Variants in PHF3 observed in about 807,000 individuals in gnomAD.
PHF3 encodes PHD finger protein 3.
PHF3 carries 41 observed loss-of-function variants against 178.4 expected under a neutral mutation model. That is an observed-to-expected ratio of 0.23 (90% CI 0.18 to 0.30). PHF3 has a LOEUF of 0.30. PHF3 is among the 10% of genes least tolerant of loss of function. The pLI is 1.00. For missense variants in PHF3, 2,346 were observed against 2,398.1 expected, an observed-to-expected ratio of 0.98 and a Z score of 0.45; for synonymous variants, 842 against 800.5, an observed-to-expected ratio of 1.05 and a Z score of -0.88.
chr6:63,649,567 A>G (rs1764936929), intron 2 of PHF3, among the ~76,000 whole-genome samples: 1 of 152,156 alleles, frequency 6.6e-6, no homozygotes, highest in South Asian at 2.1e-4. Context: ...TTTGTTGTTG[A>G]CATAGTGATT....
intron 1 of PHF3, among the ~76,000 whole-genome samples, chr6:63,641,464 A>G (rs1179070944): frequency 2.0e-5 from 3 of 151,180 alleles, no homozygotes; most frequent in Non-Finnish European, 4.4e-5. Flanking sequence ...GTGAGAGACA[A>G]CTTCATCTTA....
intron 2 of PHF3, among the ~76,000 whole-genome samples, chr6:63,660,154 T>G (rs758986635): frequency 4.6e-5 from 7 of 152,018 alleles, no homozygotes; most frequent in Non-Finnish European, 1.0e-4. Flanking sequence ...GTGCCCAAAA[T>G]GGCGCTTAGT....
intron 2 of PHF3, among the ~76,000 whole-genome samples, chr6:63,662,649 C>T (rs779779735): frequency 6.6e-6 from 1 of 152,156 alleles, no homozygotes; most frequent in Non-Finnish European, 1.5e-5. Flanking sequence ...TCTCTTCCTC[C>T]CTAAAATACT....
Position 63,711,206 on chromosome 6 carries a change from G to A in PHF3, c.3841G>A (p.Asp1281Asn). 2 of 1,609,448 alleles carry A rather than the reference G, an allele frequency of 1.2e-6. No individual in the cohort carries two copies. Among genetic ancestry groups the A allele is most frequent in the Non-Finnish European group, 1.7e-6 (2 of 1,178,344 alleles). The change falls in exon 15 of 16, where the codon GAT becomes AAT. Residue 1281 changes from aspartate (D) to asparagine (N), a missense_variant. Physicochemically the swap from Asp to Asn is conservative, Grantham distance 23. Coordinates refer to ENST00000262043, the MANE Select transcript of PHF3 (RefSeq NM_001370348.2). The stretch of plus-strand genomic sequence containing the variant: ...TCGCTTCACACCAGTAACTGAAGAA[G>A]ATCAAATTTCTTATACTTTGCTCTT... ...VVRFTPVTEE[D>N]QISYTLLFAY...
chr6:63,703,399 C>CCAAAAAA, intron 10 of PHF3, 137 bp from the exon 11 acceptor site: 1 of 849,966 alleles, frequency 1.2e-6, no homozygotes, highest in Non-Finnish European at 1.8e-6. Context: ...TAAAAAAAAA[C>CCAAAAAA]CAAAAAACAA....
chr6:63,645,954 A>T (rs1023158804), intron 1 of PHF3, among the ~76,000 whole-genome samples: 1 of 152,034 alleles, frequency 6.6e-6, no homozygotes, highest in Non-Finnish European at 1.5e-5. Context: ...TTGGGTTAAT[A>T]GTTTCTTTTT....
chr6:63,650,854 A>G (rs1014262737), intron 2 of PHF3, among the ~76,000 whole-genome samples: 1 of 152,114 alleles, frequency 6.6e-6, no homozygotes, highest in Non-Finnish European at 1.5e-5. Context: ...AACTAAACGT[A>G]GTGGCTCTCT....
rs1466158365 is a variant in PHF3 at position 63,723,312 on chromosome 6, G to T, written c.*9604G>T. ...GATTAGGAAAGAAAAAATATACATTGGGTTATACCACCAAAAACTGGAACA... is the reference window on the plus strand; with the variant it reads ...GATTAGGAAAGAAAAAATATACATTTGGTTATACCACCAAAAACTGGAACA... On this transcript the variant is annotated 3_prime_UTR_variant, in exon 16 of 16. Coordinates refer to ENST00000262043, the MANE Select transcript of PHF3 (RefSeq NM_001370348.2). 6.6e-6 allele frequency among the ~76,000 whole-genome samples: 1 copy of T among 151,978 alleles called. No individual in the cohort carries two copies.
At chr6:63,706,914 A>G (rs762911294) in intron 13 of PHF3, 38 bp downstream of exon 13, 16 of 1,579,734 alleles carry the variant, frequency 1.0e-5, no homozygotes, top group African/African-American at 1.4e-5. Context: ...GCATGAATTG[A>G]TAATGTGTGT....
At chr6:63,644,442 G>C (rs1294590408) in intron 1 of PHF3, among the ~76,000 whole-genome samples, 1 of 152,070 alleles carries the variant, frequency 6.6e-6, no homozygotes, top group African/African-American at 2.4e-5. Context: ...GGTGTTGTAT[G>C]ATAATCGAGA....
chr6:63,698,395 T>A (rs1368597191), intron 7 of PHF3, 28 bp downstream of exon 7: 1 of 1,587,774 alleles, frequency 6.3e-7, no homozygotes, highest in East Asian at 2.2e-5. Flanking sequence ...TATAGAAGTA[T>A]CAATAATTAT....
chr6:63,657,538 A>T (rs1373165289), intron 2 of PHF3, among the ~76,000 whole-genome samples: 2 of 152,202 alleles, frequency 1.3e-5, no homozygotes, highest in Non-Finnish European at 2.9e-5. Flanking sequence ...CATCAAAAAG[A>T]ATATGTATTT....
chr6:63,673,594 T>C (rs1446363869), intron 2 of PHF3, among the ~76,000 whole-genome samples: 1 of 152,210 alleles, frequency 6.6e-6, no homozygotes, highest in Admixed American at 6.5e-5. Flanking sequence ...GTAAATTGAT[T>C]TCTAATTTCT....
chr6:63,647,503 G>A (rs1381170060), intron 2 of PHF3, among the ~76,000 whole-genome samples: 1 of 152,036 alleles, frequency 6.6e-6, no homozygotes, highest in Admixed American at 6.6e-5. Context: ...ATGTGCTGAG[G>A]TGATATTTTG....
intron 1 of PHF3, among the ~76,000 whole-genome samples, chr6:63,640,881 G>T (rs1191679176): frequency 2.6e-5 from 4 of 152,148 alleles, no homozygotes; most frequent in Non-Finnish European, 5.9e-5. Context: ...CTGTCCTAGT[G>T]CATTATAGTA....
In PHF3 at chr6:63,685,313, A is replaced by T. The variant is rs773283302; in HGVS notation, c.1591A>T (p.Asn531Tyr). The T allele has an allele frequency of 1.9e-6, 3 of 1,613,982 alleles. No individual in the cohort carries two copies. The South Asian group carries it at 3.3e-5, about 18-fold the overall frequency. Residue 531 changes from asparagine to tyrosine, a missense_variant, in exon 4 of 16, where the codon AAT (asparagine) becomes TAT (tyrosine). By Grantham distance (143) the Asn-to-Tyr change is moderately radical (BLOSUM62 -2). Transcript: ENST00000262043. ...TKVNVKSVKR[N>Y]TDVPESQQNF... ...AGTTAATGTCAAAAGTGTGAAACGA[A>T]ATACTGATGTACCAGAATCTCAGCA...
At chr6:63,710,358 T>C (rs2149610546) in intron 14 of PHF3, among the ~76,000 whole-genome samples, 1 of 152,302 alleles carries the variant, frequency 6.6e-6, no homozygotes, top group East Asian at 1.9e-4. Flanking sequence ...ATGGTGATTT[T>C]TACTCTAAAA....
chr6:63,680,988 A>G (rs959553125), intron 3 of PHF3, among the ~76,000 whole-genome samples: 7 of 152,008 alleles, frequency 4.6e-5, no homozygotes, highest in Non-Finnish European at 8.8e-5. Context: ...CTCTTCCAGT[A>G]GTTTTGTGAG....
At chr6:63,653,840 G>A (rs1765120518) in intron 2 of PHF3, among the ~76,000 whole-genome samples, 2 of 152,094 alleles carry the variant, frequency 1.3e-5, no homozygotes. Context: ...TTATTGTGAA[G>A]GGATGTTGAA....
Sources: gnomAD v4.1 joint callset for allele counts (sites outside exome capture counted in the v4.1 genomes callset) on GRCh38, gnomAD v4.1.1 for gene constraint, MANE v1.5 for transcripts, NCBI Gene and HGNC (gene_info 2026-07-23, HGNC 2026-07-21) for gene names.